The following WWOX variants were observed in gnomAD, a reference collection of about 807,000 sequenced individuals.
WWOX encodes WW domain-containing oxidoreductase.
Under a neutral mutation model 46.2 loss-of-function variants are expected in WWOX, and 69 were observed. The ratio of observed to expected loss-of-function variants is 1.49; its 90% confidence interval spans 1.23 to 1.82. The LOEUF (loss-of-function observed/expected upper bound fraction) is 1.82. Ranked by LOEUF, WWOX falls within the 40% of genes most tolerant of loss-of-function variation. WWOX has a pLI of 0.00. For synonymous variants in WWOX, 359 were observed against 202.6 expected (o/e 1.77, Z -6.56); for missense variants, 919 against 542.6 (o/e 1.69, Z -6.89).
intron 8 of WWOX, among the ~76,000 whole-genome samples, chr16:79,146,247 A>G (rs2150724671): frequency 6.6e-6 from 1 of 152,234 alleles, no homozygotes; most frequent in Non-Finnish European, 1.5e-5. Context: ...TTGCATTTTT[A>G]TTTCTTATCA....
chr16:78,811,469 C>G (rs1282964920), intron 8 of WWOX, among the ~76,000 whole-genome samples: 2 of 151,876 alleles, frequency 1.3e-5, no homozygotes, highest in African/African-American at 4.8e-5. Context: ...CCTTTCTCCT[C>G]TCCTGTCCTT....
At chr16:78,928,897 G>A (rs1178460580) in intron 8 of WWOX, among the ~76,000 whole-genome samples, 1 of 152,152 alleles carries the variant, frequency 6.6e-6, no homozygotes, top group Non-Finnish European at 1.5e-5. Flanking sequence ...TAAATTTACA[G>A]TATTTTCCCC....
chr16:78,513,906 C>G (rs536088229), intron 8 of WWOX, among the ~76,000 whole-genome samples: 4 of 149,108 alleles, frequency 2.7e-5, no homozygotes, highest in African/African-American at 5.0e-5. Flanking sequence ...CCCCCCCCCC[C>G]ACTTGTATCA....
At chr16:78,879,099 C>G (rs56904192) in intron 8 of WWOX, among the ~76,000 whole-genome samples, 2,432 of 151,962 alleles carry the variant, frequency 0.016, 53 homozygotes, top group African/African-American at 0.053. Context: ...TTACTAGAAA[C>G]AAATTAACTT....
At chr16:78,561,030 A>T (rs1016899632) in intron 8 of WWOX, among the ~76,000 whole-genome samples, 5 of 152,186 alleles carry the variant, frequency 3.3e-5, no homozygotes, top group African/African-American at 1.2e-4. Flanking sequence ...CTGGAGGAAC[A>T]TCCTTTCCTG....
chr16:78,596,818 A>G (rs1235825891), intron 8 of WWOX, among the ~76,000 whole-genome samples: 2 of 142,274 alleles, frequency 1.4e-5, no homozygotes, highest in South Asian at 2.2e-4. Flanking sequence ...AGCTGCCCTC[A>G]TCTTTCTACT....
intron 8 of WWOX, among the ~76,000 whole-genome samples, chr16:78,681,883 G>C (rs538010712): frequency 6.6e-6 from 1 of 152,128 alleles, no homozygotes; most frequent in African/African-American, 2.4e-5. Flanking sequence ...CACAAGTCTC[G>C]GGCCCCACCC....
intron 8 of WWOX, among the ~76,000 whole-genome samples, chr16:78,889,770 C>A (rs966414015): frequency 6.6e-6 from 1 of 152,072 alleles, no homozygotes; most frequent in African/African-American, 2.4e-5. Context: ...TGTTTTGTTC[C>A]GCCTCGATCA....
At chr16:78,359,902 G>C (rs2081373780) in intron 5 of WWOX, among the ~76,000 whole-genome samples, 1 of 152,162 alleles carries the variant, frequency 6.6e-6, no homozygotes, top group Non-Finnish European at 1.5e-5. Flanking sequence ...TTTGTGACTT[G>C]GAAGATTGTT....
At chr16:78,783,336 G>C (rs1387021683) in intron 8 of WWOX, among the ~76,000 whole-genome samples, 1 of 152,246 alleles carries the variant, frequency 6.6e-6, no homozygotes, top group East Asian at 1.9e-4. Flanking sequence ...AGTGGAGACA[G>C]GCTTGGGCTG....
At chr16:78,218,126 C>G (rs2036781471) in intron 5 of WWOX, among the ~76,000 whole-genome samples, 1 of 152,104 alleles carries the variant, frequency 6.6e-6, no homozygotes, top group Non-Finnish European at 1.5e-5. Flanking sequence ...GCAATCACAG[C>G]TCACTGCAGC....
intron 5 of WWOX, among the ~76,000 whole-genome samples, chr16:78,381,796 T>G (rs1045499765): frequency 3.3e-5 from 5 of 152,084 alleles, no homozygotes; most frequent in African/African-American, 1.2e-4. Flanking sequence ...GATAAATGGA[T>G]AGACATATAG....
intron 8 of WWOX, among the ~76,000 whole-genome samples, chr16:78,881,753 C>G (rs1235514335): frequency 6.6e-6 from 1 of 152,194 alleles, no homozygotes; most frequent in Non-Finnish European, 1.5e-5. Context: ...TCTGGCTTGT[C>G]TACGCCAAAA....
At chr16:78,376,677 C>A (rs1465465116) in intron 5 of WWOX, among the ~76,000 whole-genome samples, 1 of 152,184 alleles carries the variant, frequency 6.6e-6, no homozygotes, top group Non-Finnish European at 1.5e-5. Context: ...TCCCTGACCT[C>A]TGCCCCCTGG....
At chr16:78,847,852 C>T (rs1221165992) in intron 8 of WWOX, among the ~76,000 whole-genome samples, 1 of 152,094 alleles carries the variant, frequency 6.6e-6, no homozygotes, top group Non-Finnish European at 1.5e-5. Context: ...TGGCATTGCC[C>T]AGTGGAATCT....
intron 8 of WWOX, among the ~76,000 whole-genome samples, chr16:78,739,277 C>G (rs923540904): frequency 4.6e-5 from 7 of 152,178 alleles, no homozygotes; most frequent in African/African-American, 1.7e-4. Context: ...GGTGCTTGTT[C>G]AGCTTGGTCA....
intron 8 of WWOX, among the ~76,000 whole-genome samples, chr16:78,660,166 G>A (rs2047178524): frequency 6.6e-6 from 1 of 152,118 alleles, no homozygotes; most frequent in Admixed American, 6.5e-5. Flanking sequence ...TGTGGACTGT[G>A]CTGCTTTTTT....
At chr16:78,998,240 C>T (rs187595902) in intron 8 of WWOX, among the ~76,000 whole-genome samples, 3 of 152,290 alleles carry the variant, frequency 2.0e-5, no homozygotes, top group African/African-American at 7.2e-5. Flanking sequence ...TTCTCTTCTG[C>T]TGGGACCCAG....
chr16:78,946,340 C>T (rs1186601941), intron 8 of WWOX, among the ~76,000 whole-genome samples: 1 of 152,040 alleles, frequency 6.6e-6, no homozygotes. Context: ...CAGGGATGCG[C>T]CACCATGCCC....
Sources: allele counts gnomAD v4.1 joint callset (sites outside exome capture counted in the v4.1 genomes callset), GRCh38; gene constraint gnomAD v4.1.1; transcripts MANE v1.5; gene names NCBI Gene and HGNC (gene_info 2026-07-23, HGNC 2026-07-21).